The following TANC2 variants were observed in gnomAD, a reference collection of about 807,000 sequenced individuals.
The protein encoded by TANC2 is protein TANC2.
Under a neutral mutation model 210.5 loss-of-function variants are expected in TANC2, and 26 were observed. The observed-to-expected ratio is 0.12, with a 90% confidence interval of 0.09 to 0.17. The LOEUF is 0.17. TANC2 is among the 10% of genes least tolerant of loss of function. The pLI, the probability that TANC2 is intolerant of heterozygous loss-of-function variation, is 1.00. For synonymous variants in TANC2, 931 were observed against 967.1 expected, an observed-to-expected ratio of 0.96 and a Z score of 0.69; for missense variants, 2,129 against 2,608.9, an observed-to-expected ratio of 0.82 and a Z score of 4.01.
intron 5 of TANC2, among the ~76,000 whole-genome samples, chr17:63,171,185 G>A (rs2040394759): frequency 6.8e-6 from 1 of 146,038 alleles, no homozygotes; most frequent in South Asian, 2.2e-4. Context: ...CCAGGTTCAA[G>A]CAGTCCCCTG....
At chr17:63,034,537 C>G (rs1470623668) in intron 2 of TANC2, among the ~76,000 whole-genome samples, 3 of 152,124 alleles carry the variant, frequency 2.0e-5, no homozygotes, top group Admixed American at 2.0e-4. Flanking sequence ...AAGGCTATAG[C>G]TGCCATAGAT....
intron 5 of TANC2, among the ~76,000 whole-genome samples, chr17:63,179,973 TAAAAAA>T (rs34426210): frequency 8.1e-6 from 1 of 123,268 alleles, no homozygotes; most frequent in Non-Finnish European, 1.7e-5. Flanking sequence ...TACATCTCTT[TAAAAAA>T]AAAAAAAAAA....
chr17:63,186,348 C>CTTT (rs1445881786), intron 5 of TANC2, among the ~76,000 whole-genome samples: 55 of 135,440 alleles, frequency 4.1e-4, no homozygotes, highest in African/African-American at 1.6e-3. Context: ...TTCTCTCTCT[C>CTTT]TCTTTTTTTT....
At chr17:62,975,359 T>C (rs542110231) in intron 1 of TANC2, among the ~76,000 whole-genome samples, 8 of 152,298 alleles carry the variant, frequency 5.3e-5, no homozygotes, top group South Asian at 2.1e-4. Flanking sequence ...TCTGTAATTC[T>C]ATTTCTGTTC....
chr17:62,967,435 A>C (rs1026395522), intron 1 of TANC2: 1 of 151,984 alleles, frequency 6.6e-6, no homozygotes, highest in African/African-American at 2.4e-5. Context: ...AATTGTATCC[A>C]GTCTTCATTT....
chr17:63,095,177 T>C (rs929438349), intron 3 of TANC2, among the ~76,000 whole-genome samples: 3 of 152,022 alleles, frequency 2.0e-5, no homozygotes, highest in African/African-American at 7.2e-5. Flanking sequence ...GGTTTTTCTT[T>C]GTTGTTTTTT....
intron 2 of TANC2, among the ~76,000 whole-genome samples, chr17:63,029,481 TA>T (rs1204501961): frequency 6.6e-6 from 1 of 152,132 alleles, no homozygotes; most frequent in South Asian, 2.1e-4. Context: ...TTTTGTGATT[TA>T]AAAAAATTAG....
chr17:63,203,876 AG>A (rs1423688899), intron 7 of TANC2, among the ~76,000 whole-genome samples: 1 of 152,210 alleles, frequency 6.6e-6, no homozygotes, highest in Non-Finnish European at 1.5e-5. Flanking sequence ...GTTCCAAGGA[AG>A]GTGTGTGGAA....
chr17:63,274,644 T>A (rs1421533439), intron 9 of TANC2, among the ~76,000 whole-genome samples: 1 of 151,826 alleles, frequency 6.6e-6, no homozygotes, highest in African/African-American at 2.4e-5. Flanking sequence ...TAAAACCCCA[T>A]CTCTACTTTA....
At chr17:63,164,069 C>A (rs2040122321) in intron 5 of TANC2, among the ~76,000 whole-genome samples, 1 of 148,352 alleles carries the variant, frequency 6.7e-6, no homozygotes. Context: ...CTGTGTTGAT[C>A]AAGAAAAACA....
rs898543154 is a variant in TANC2 at position 63,128,363 on chromosome 17, A to G, written c.323-22907A>G. ...TAACTCATACGCCCCACAAATGTAT[A>G]TGCCTACTGCGTACCCCCAAAAATT... On this transcript the variant is annotated intron_variant, in intron 4 of 27. Coordinates refer to ENST00000689528, the Ensembl canonical transcript of TANC2. Among the ~76,000 whole-genome samples the G allele has an allele frequency of 2.0e-5, 3 of 152,198 alleles. No individual in the cohort carries two copies. In the South Asian group the frequency reaches 6.2e-4, roughly 31 times the overall value.
At chr17:63,406,132 C>A in intron 20 of TANC2, 22 bp from the exon 21 acceptor site, 1 of 1,613,254 alleles carries the variant, frequency 6.2e-7, no homozygotes, top group South Asian at 1.1e-5. Flanking sequence ...GCTAATTGGT[C>A]CCTGTTTCTC....
chr17:63,218,140 C>T (rs2042072766), intron 7 of TANC2, among the ~76,000 whole-genome samples: 1 of 151,930 alleles, frequency 6.6e-6, no homozygotes, highest in African/African-American at 2.4e-5. Flanking sequence ...TAGAAATTAG[C>T]CAGGTGTGAT....
At chr17:63,314,807 A>C (rs1266862340) in intron 10 of TANC2, 138 bp downstream of exon 10, 3 of 1,133,006 alleles carry the variant, frequency 2.6e-6, no homozygotes, top group Non-Finnish European at 3.8e-6. Flanking sequence ...ATTTAGGTTG[A>C]GAGAAAGATT....
At chr17:63,386,433 G>T (rs1240466304) in intron 15 of TANC2, among the ~76,000 whole-genome samples, 2 of 152,054 alleles carry the variant, frequency 1.3e-5, no homozygotes, top group Non-Finnish European at 2.9e-5. Context: ...TAAAATATCT[G>T]GGATTTTTCA....
intron 12 of TANC2, among the ~76,000 whole-genome samples, chr17:63,346,664 G>C (rs1329942166): frequency 6.6e-6 from 1 of 152,124 alleles, no homozygotes; most frequent in African/African-American, 2.4e-5. Flanking sequence ...TACATTGCTG[G>C]TGGGACTATA....
chr17:63,420,224 G>C lies in TANC2; in HGVS notation c.4494G>C (p.Glu1498Asp). The C allele has an allele frequency of 1.2e-6, 2 of 1,611,838 alleles. No homozygotes were observed. The highest frequency in any genetic ancestry group is 8.5e-7 in the Non-Finnish European group (1 of 1,178,924). Residue 1498 changes from glutamate to aspartate, a missense_variant, in exon 28 of 28, where the codon GAG (glutamate) becomes GAC (aspartate). Glu to Asp is a conservative substitution (Grantham distance 45). Coordinates refer to ENST00000689528, the Ensembl canonical transcript of TANC2. This position sits in a 1 kb window ranked among gnomAD's most constrained non-coding sequence, Gnocchi z 4.2. ...CTGTACAGGATATATTCGAGGAGGA[G>C]TACCTGGAACAGGATGTTGAAAATG...
chr17:63,311,722 G>T (rs753606886), intron 9 of TANC2, among the ~76,000 whole-genome samples: 18 of 152,134 alleles, frequency 1.2e-4, no homozygotes, highest in Non-Finnish European at 2.1e-4. Context: ...CCAAAAAGTG[G>T]AAGCAGCCCA....
At chr17:63,398,091 C>A (rs2048226649) in intron 18 of TANC2, among the ~76,000 whole-genome samples, 1 of 152,128 alleles carries the variant, frequency 6.6e-6, no homozygotes, top group Non-Finnish European at 1.5e-5. Flanking sequence ...TCTCCCTTTA[C>A]TAGTTGCAGA....
Sources: allele counts gnomAD v4.1 joint callset (sites outside exome capture counted in the v4.1 genomes callset), GRCh38; gene constraint gnomAD v4.1.1; non-coding constraint Gnocchi (gnomAD v3.1); transcripts MANE v1.5; gene names NCBI Gene and HGNC (gene_info 2026-07-23, HGNC 2026-07-21).